The following FER1L6 variants were observed in gnomAD, a reference collection of about 807,000 sequenced individuals.
FER1L6 encodes the protein fer-1 like family member 6, also known as fer-1-like protein 6.
Under a neutral mutation model 219.2 loss-of-function variants are expected in FER1L6, and 177 were observed. The observed-to-expected ratio is 0.81, with a 90% CI of 0.71 to 0.91. The LOEUF is 0.91. FER1L6 is among the 40% of genes least tolerant of loss of function. The pLI, the probability that FER1L6 is intolerant of heterozygous loss-of-function variation, is 0.00. For missense variants in FER1L6, 2,153 were observed against 2,259.9 expected, an observed-to-expected ratio of 0.95 and a Z score of 0.96; for synonymous variants, 768 against 824.3, an observed-to-expected ratio of 0.93 and a Z score of 1.17.
chr8:124,079,304 G>A (rs1438314119), intron 32 of FER1L6, among the ~76,000 whole-genome samples: 2 of 152,156 alleles, frequency 1.3e-5, no homozygotes, highest in South Asian at 2.1e-4. Context: ...TTTTGGTGGA[G>A]ACACAATTCA....
chr8:123,956,867 C>T (rs1411580319), intron 2 of FER1L6, among the ~76,000 whole-genome samples: 1 of 152,184 alleles, frequency 6.6e-6, no homozygotes, highest in African/African-American at 2.4e-5. Flanking sequence ...TGGGATACCT[C>T]CTTCTCCAAA....
At chr8:123,977,686 C>A in intron 10 of FER1L6, 77 bp downstream of exon 10, 1 of 1,367,332 alleles carries the variant, frequency 7.3e-7, no homozygotes, top group Non-Finnish European at 1.0e-6. Context: ...AAGGGGTGGG[C>A]TAGAGCAGCA....
At chr8:124,002,892 T>A (rs1307315689) in intron 12 of FER1L6, among the ~76,000 whole-genome samples, 3 of 152,168 alleles carry the variant, frequency 2.0e-5, no homozygotes, top group African/African-American at 7.2e-5. Context: ...AAAATGGTTA[T>A]AACAGTTTTG....
At chr8:123,888,794 G>A (rs1309710817) in intron 1 of FER1L6, among the ~76,000 whole-genome samples, 1 of 152,228 alleles carries the variant, frequency 6.6e-6, no homozygotes, top group African/African-American at 2.4e-5. Flanking sequence ...GCTATTGGAT[G>A]TTTGTGTGAG....
intron 1 of FER1L6, among the ~76,000 whole-genome samples, chr8:123,899,749 T>C (rs1812824626): frequency 6.6e-6 from 1 of 152,140 alleles, no homozygotes; most frequent in African/African-American, 2.4e-5. Flanking sequence ...CACCATTTGT[T>C]GAAAAAAGTG....
At position 123,852,767 on chromosome 8, in the gene FER1L6, A is replaced by G. The variant is rs187807250; in HGVS notation, c.-8+582A>G. ...TACCATGGTACATTTATGAAAATGA[A>G]GAAACTGAAAATGCAGCATTACTAT... is the stretch of plus-strand genomic sequence containing the variant. On this transcript the variant is annotated intron_variant, in intron 1 of 40. Coordinates refer to ENST00000522917, the MANE Select transcript of FER1L6 (RefSeq NM_001039112.2). This position sits in a 1 kb window ranked among gnomAD's most constrained non-coding sequence, Gnocchi z 4.9. Among the ~76,000 whole-genome samples, 1 of 152,320 alleles carries G rather than the reference A, an allele frequency of 6.6e-6. No homozygotes were observed. The highest frequency in any genetic ancestry group is 1.9e-4 in the East Asian group (1 of 5,186).
At chr8:124,008,111 G>A (rs984534393) in intron 13 of FER1L6, among the ~76,000 whole-genome samples, 3 of 151,890 alleles carry the variant, frequency 2.0e-5, no homozygotes, top group African/African-American at 7.3e-5. Flanking sequence ...TTTCCCCTCC[G>A]AGTCCCCAAA....
chr8:124,101,657 G>A lies in FER1L6; in HGVS notation c.5125+319G>A, dbSNP rs1028573278. 2.0e-5 allele frequency among the ~76,000 whole-genome samples: 3 copies of A among 152,188 alleles called. 1 individual carries two copies. The highest frequency in any genetic ancestry group is 4.1e-4 in the South Asian group (2 of 4,834). On this transcript the variant is annotated intron_variant, in intron 38 of 40. Coordinates refer to ENST00000522917, the MANE Select transcript of FER1L6 (RefSeq NM_001039112.2). ...GTAATATTACATACTTCAGAGAGGG[G>A]CGGAGCTGTAATTGTTGTAACACAA...
At chr8:123,858,721 G>A (rs1199444773) in intron 1 of FER1L6, among the ~76,000 whole-genome samples, 1 of 152,214 alleles carries the variant, frequency 6.6e-6, no homozygotes, top group African/African-American at 2.4e-5. Flanking sequence ...AGACGACCAG[G>A]AAGAAGGTGA....
chr8:124,054,890 G>A (rs375184916), intron 22 of FER1L6, among the ~76,000 whole-genome samples: 98 of 152,288 alleles, frequency 6.4e-4, no homozygotes, highest in South Asian at 4.8e-3. Context: ...ATGTTGCAAC[G>A]CGAAGATGCC....
At chr8:124,103,777 C>T (rs1174431126) in intron 39 of FER1L6, among the ~76,000 whole-genome samples, 1 of 152,226 alleles carries the variant, frequency 6.6e-6, no homozygotes, top group Non-Finnish European at 1.5e-5. Context: ...TTTGACCTTT[C>T]ACAAATATTG....
At chr8:124,040,951 T>C (rs185821753) in intron 20 of FER1L6, among the ~76,000 whole-genome samples, 1 of 152,358 alleles carries the variant, frequency 6.6e-6, no homozygotes, top group East Asian at 1.9e-4. Context: ...ATGCAAATCA[T>C]AGTATGGGTC....
At chr8:123,951,922 T>C (rs1192882167) in intron 1 of FER1L6, among the ~76,000 whole-genome samples, 1 of 152,152 alleles carries the variant, frequency 6.6e-6, no homozygotes, top group African/African-American at 2.4e-5. Flanking sequence ...AACTTAGTGT[T>C]TGGCCATTTG....
At chr8:124,091,242 G>T (rs1176141726) in intron 33 of FER1L6, among the ~76,000 whole-genome samples, 181 bp from the exon 34 acceptor site, 1 of 152,206 alleles carries the variant, frequency 6.6e-6, no homozygotes, top group African/African-American at 2.4e-5. Flanking sequence ...GGATTTTTCT[G>T]TTAAGCTACT....
At chr8:123,926,520 G>A (rs117410953) in intron 1 of FER1L6, among the ~76,000 whole-genome samples, 2 of 152,278 alleles carry the variant, frequency 1.3e-5, no homozygotes, top group South Asian at 2.1e-4. Context: ...AGGTTATGGT[G>A]GGGGAGGCAA....
intron 1 of FER1L6, among the ~76,000 whole-genome samples, chr8:123,898,207 A>G (rs1159400343): frequency 6.6e-6 from 1 of 152,208 alleles, no homozygotes; most frequent in East Asian, 1.9e-4. Flanking sequence ...TTAAACTTAG[A>G]GGAATATAAA....
intron 33 of FER1L6, 28 bp from the exon 34 acceptor site, chr8:124,091,395 C>T: frequency 6.2e-7 from 1 of 1,605,838 alleles, no homozygotes; most frequent in Non-Finnish European, 8.5e-7. Flanking sequence ...GTGAGGACCT[C>T]AAAGTGTGTT....
At chr8:123,988,389 C>T (rs1816695049) in intron 12 of FER1L6, among the ~76,000 whole-genome samples, 1 of 152,160 alleles carries the variant, frequency 6.6e-6, no homozygotes, top group Non-Finnish European at 1.5e-5. Context: ...ATAGAGATTG[C>T]ATTGAATCTG....
chr8:123,887,698 TG>T (rs796768667), intron 1 of FER1L6, among the ~76,000 whole-genome samples: 1,617 of 12,034 alleles, frequency 0.13, 22 homozygotes, highest in African/African-American at 0.36. Context: ...TTGAAATTGT[TG>T]TGTGTGTGTG....
Sources: gnomAD v4.1 joint callset for allele counts (sites outside exome capture counted in the v4.1 genomes callset) on GRCh38, gnomAD v4.1.1 for gene constraint, Gnocchi (gnomAD v3.1) non-coding constraint, MANE v1.5 for transcripts, NCBI Gene and HGNC (gene_info 2026-07-23, HGNC 2026-07-21) for gene names.